Variants in C1orf146 observed in about 807,000 individuals in gnomAD.
C1orf146 encodes protein SPO16 homolog.
A neutral mutation model predicts 23.0 loss-of-function variants in C1orf146; 22 were observed. The ratio of observed to expected loss-of-function variants is 0.96; its 90% CI spans 0.68 to 1.36. The LOEUF is 1.36. Among genes scored for constraint, C1orf146 ranks in the 40% most tolerant of loss-of-function variants. The pLI, the probability that C1orf146 is intolerant of heterozygous loss-of-function variation, is 0.00. For missense variants in C1orf146, 199 were observed against 206.8 expected (o/e 0.96, Z 0.23); for synonymous variants, 59 against 65.3 (o/e 0.90, Z 0.47).
intron 1 of C1orf146, among the ~76,000 whole-genome samples, chr1:92,227,994 T>TC (rs1652011441): frequency 6.6e-6 from 1 of 152,170 alleles, no homozygotes. Context: ...CATTCTCTTT[T>TC]CTCTTTCTCA....
intron 2 of C1orf146, among the ~76,000 whole-genome samples, chr1:92,234,279 C>T (rs1408999261): frequency 6.7e-5 from 10 of 148,486 alleles, no homozygotes; most frequent in East Asian, 4.0e-4. Context: ...TTTTGAGATA[C>T]GTCCCATCAA....
chr1:92,239,017 C>G (rs879536962), intron 2 of C1orf146, among the ~76,000 whole-genome samples: 2 of 152,162 alleles, frequency 1.3e-5, no homozygotes, highest in African/African-American at 2.4e-5. Context: ...CTTGGCCTCC[C>G]AAAGTGCTAG....
chr1:92,234,994 TTCTC>T (rs1196518463), intron 2 of C1orf146, among the ~76,000 whole-genome samples: 2 of 152,268 alleles, frequency 1.3e-5, no homozygotes, highest in Admixed American at 6.5e-5. Context: ...TATTTGATTC[TTCTC>T]TCTTTTTTTC....
chr1:92,239,113 A>G (rs906598131), intron 2 of C1orf146, among the ~76,000 whole-genome samples: 1 of 152,096 alleles, frequency 6.6e-6, no homozygotes, highest in African/African-American at 2.4e-5. Flanking sequence ...ACATTTTTAA[A>G]CATATCTTCT....
chr1:92,227,594 G>A (rs1041309362), intron 1 of C1orf146, among the ~76,000 whole-genome samples: 25 of 152,002 alleles, frequency 1.6e-4, no homozygotes, highest in African/African-American at 6.0e-4. Context: ...TTAAGTGTGG[G>A]TCTACTGATG....
At chr1:92,239,159 T>C (rs941225651) in intron 2 of C1orf146, among the ~76,000 whole-genome samples, 6 of 152,216 alleles carry the variant, frequency 3.9e-5, no homozygotes, top group Non-Finnish European at 8.8e-5. Flanking sequence ...AGGTTTTATC[T>C]TCTTGATCAT....
chr1:92,244,046 T>C (rs1474759862), intron 3 of C1orf146, among the ~76,000 whole-genome samples, 171 bp from the exon 4 acceptor site: 2 of 152,164 alleles, frequency 1.3e-5, no homozygotes, highest in African/African-American at 4.8e-5. Context: ...TTCAAAGAAC[T>C]ACCTAAATTA....
At chr1:92,231,560 A>G (rs1652120848) in intron 2 of C1orf146, 74 bp downstream of exon 2, 2 of 995,726 alleles carry the variant, frequency 2.0e-6, no homozygotes, top group African/African-American at 3.3e-5. Context: ...ACAACATTTT[A>G]AAAGGTTCTT....
intron 1 of C1orf146, among the ~76,000 whole-genome samples, chr1:92,227,483 G>A (rs1651996557): frequency 6.6e-6 from 1 of 152,078 alleles, no homozygotes; most frequent in African/African-American, 2.4e-5. Context: ...AGGTTGCAGT[G>A]AGCCGAGATC....
chr1:92,230,909 C>T (rs902874825), intron 1 of C1orf146, among the ~76,000 whole-genome samples: 2 of 152,164 alleles, frequency 1.3e-5, no homozygotes, highest in African/African-American at 2.4e-5. Flanking sequence ...TATAATACAA[C>T]CCACTGTGTG....
intron 2 of C1orf146, among the ~76,000 whole-genome samples, chr1:92,234,637 G>A (rs1433563013): frequency 1.2e-4 from 19 of 152,310 alleles, no homozygotes; most frequent in Admixed American, 1.1e-3. Flanking sequence ...AAATGAGTTA[G>A]GGAGGATTCC....
chr1:92,245,608 G>T lies in C1orf146; in HGVS notation c.477G>T (p.Glu159Asp), dbSNP rs771885506. The change falls in exon 6 of 6, where the codon GAG (glutamate) becomes GAT (aspartate). Residue 159 changes from glutamate (E) to aspartate (D), a missense_variant. Transcript: ENST00000370375. ...TAACAGCTAAAGCTTACATCATTGA[G>T]CAAAGTCCTGTTTGGAAAACACTTC... ...RMITAKAYII[E>D]QSPVWKTLQK... 3 of 1,600,560 alleles carry T rather than the reference G, an allele frequency of 1.9e-6. No individual in the cohort carries two copies. The highest frequency in any genetic ancestry group is 3.5e-5 in the Admixed American group (2 of 56,524).
chr1:92,243,167 A>G (rs879378288), intron 3 of C1orf146, among the ~76,000 whole-genome samples: 1 of 152,204 alleles, frequency 6.6e-6, no homozygotes, highest in Non-Finnish European at 1.5e-5. Flanking sequence ...ATGTTCAGAG[A>G]GGTTATATAA....
Position 92,244,837 on chromosome 1 carries a change from C to A in C1orf146, c.388C>A (p.Leu130Ile), listed in dbSNP as rs759628733. ...PVHNTVNAIN[L>I]MCTIAKTTSK... ...ACACAACACAGTAAATGCTATTAAT[C>A]TTATGTGCACTATAGCAAAGGTGAG... is the stretch of plus-strand genomic sequence containing the variant. The change falls in exon 5 of 6, where the codon CTT (leucine) becomes ATT (isoleucine). Residue 130 changes from leucine (L) to isoleucine (I), a missense_variant. Transcript: ENST00000370375. The A allele has an allele frequency of 1.1e-5, 17 of 1,603,090 alleles. No homozygotes were observed. The highest frequency in any genetic ancestry group is 1.4e-5 in the Non-Finnish European group (16 of 1,171,066).
intron 2 of C1orf146, chr1:92,240,572 C>G (rs1244471009): frequency 6.6e-6 from 1 of 152,590 alleles, no homozygotes; most frequent in African/African-American, 2.4e-5. Flanking sequence ...ATAATTTCAG[C>G]CTGTGTGCTT....
intron 1 of C1orf146, among the ~76,000 whole-genome samples, chr1:92,222,374 CAT>C (rs954100782): frequency 1.6e-4 from 22 of 138,418 alleles, no homozygotes; most frequent in East Asian, 2.9e-4. Context: ...GTATATATAA[CAT>C]ATATAACATG....
At chr1:92,226,114 TAA>T (rs903902899) in intron 1 of C1orf146, among the ~76,000 whole-genome samples, 4 of 152,360 alleles carry the variant, frequency 2.6e-5, no homozygotes, top group African/African-American at 9.6e-5. Flanking sequence ...TCACCACTAT[TAA>T]GTCTGCCATT....
intron 1 of C1orf146, among the ~76,000 whole-genome samples, chr1:92,227,028 G>T (rs917774917): frequency 6.6e-6 from 1 of 152,128 alleles, no homozygotes; most frequent in Non-Finnish European, 1.5e-5. Context: ...AGGACCTAAA[G>T]CACCTTAGGT....
chr1:92,231,621 A>T, intron 2 of C1orf146, 135 bp downstream of exon 2: 1 of 502,428 alleles, frequency 2.0e-6, no homozygotes, highest in Non-Finnish European at 3.5e-6. Context: ...CATAAGCTAA[A>T]TGTATTTTAA....
Sources: gnomAD v4.1 joint callset for allele counts (sites outside exome capture counted in the v4.1 genomes callset) on GRCh38, gnomAD v4.1.1 for gene constraint, MANE v1.5 for transcripts, NCBI Gene and HGNC (gene_info 2026-07-23, HGNC 2026-07-21) for gene names.